Variants in EPB41L4B observed in about 807,000 individuals in gnomAD.
EPB41L4B encodes the protein erythrocyte membrane protein band 4.1 like 4B, also known as band 4.1-like protein 4B.
A neutral mutation model predicts 112.5 loss-of-function variants in EPB41L4B; 30 were observed. The ratio of observed to expected loss-of-function variants is 0.27; its 90% CI spans 0.20 to 0.36. The LOEUF is 0.36. EPB41L4B is among the 10% of genes least tolerant of loss of function. EPB41L4B has a pLI of 1.00. For missense variants in EPB41L4B, 1,024 were observed against 1,133.3 expected, an observed-to-expected ratio of 0.90 and a Z score of 1.38; for synonymous variants, 408 against 439.7, an observed-to-expected ratio of 0.93 and a Z score of 0.90.
At chr9:109,191,411 T>C (rs1832456929) in intron 22 of EPB41L4B, among the ~76,000 whole-genome samples, 1 of 152,134 alleles carries the variant, frequency 6.6e-6, no homozygotes, top group African/African-American at 2.4e-5. Flanking sequence ...AACAGGCCCA[T>C]ACCCATTTCA....
chr9:109,248,306 C>T, intron 13 of EPB41L4B, among the ~76,000 whole-genome samples: 1 of 152,206 alleles, frequency 6.6e-6, no homozygotes, highest in East Asian at 1.9e-4. Context: ...ATCTGGCCAC[C>T]ACTTTGGAAT....
At chr9:109,231,159 A>C (rs1448132187) in intron 15 of EPB41L4B, among the ~76,000 whole-genome samples, 1 of 147,670 alleles carries the variant, frequency 6.8e-6, no homozygotes, top group Non-Finnish European at 1.5e-5. Flanking sequence ...CTCCATCTCA[A>C]AAAAAAAAAA....
intron 5 of EPB41L4B, among the ~76,000 whole-genome samples, 168 bp from the exon 6 acceptor site, chr9:109,263,270 C>T (rs1243051903): frequency 6.6e-6 from 1 of 152,194 alleles, no homozygotes; most frequent in Admixed American, 6.5e-5. Flanking sequence ...ACTTGCACTA[C>T]AAATTTCCCA....
intron 16 of EPB41L4B, among the ~76,000 whole-genome samples, chr9:109,215,660 C>T (rs770346338): frequency 2.0e-5 from 3 of 152,186 alleles, no homozygotes; most frequent in Admixed American, 1.3e-4. Context: ...GCCCTCAGTA[C>T]TTTTCAAACC....
chr9:109,240,795 C>T (rs781646654), intron 15 of EPB41L4B: 189 of 985,282 alleles, frequency 1.9e-4, no homozygotes, highest in Non-Finnish European at 2.2e-4. Flanking sequence ...AAAAACCAAT[C>T]CCCCAATTCT....
intron 15 of EPB41L4B, among the ~76,000 whole-genome samples, chr9:109,234,692 C>T (rs1449214624): frequency 1.3e-5 from 2 of 152,096 alleles, no homozygotes; most frequent in African/African-American, 4.8e-5. Context: ...GGCAAGACCC[C>T]ATCTCTACAA....
intron 7 of EPB41L4B, among the ~76,000 whole-genome samples, chr9:109,257,381 T>C (rs1835022896): frequency 6.6e-6 from 1 of 151,764 alleles, no homozygotes; most frequent in African/African-American, 2.4e-5. Context: ...GCAGGGGGAA[T>C]GGAGGGAAAA....
At chr9:109,255,895 C>T (rs1834964871) in intron 9 of EPB41L4B, 52 bp from the exon 10 acceptor site, 3 of 1,491,890 alleles carry the variant, frequency 2.0e-6, no homozygotes, top group Admixed American at 1.9e-5. Flanking sequence ...AAACTATCTA[C>T]ACATCAAATA....
chr9:109,225,743 G>A (rs147600132), intron 15 of EPB41L4B, among the ~76,000 whole-genome samples: 1 of 152,288 alleles, frequency 6.6e-6, no homozygotes, highest in African/African-American at 2.4e-5. Context: ...CAACAAGGAA[G>A]ACTTCCTGGG....
At chr9:109,298,819 T>C (rs1386706045) in intron 1 of EPB41L4B, among the ~76,000 whole-genome samples, 2 of 152,174 alleles carry the variant, frequency 1.3e-5, no homozygotes, top group Non-Finnish European at 2.9e-5. Flanking sequence ...CAAATTTATC[T>C]GGAATGGTTG....
chr9:109,318,150 C>CGT (rs3983533), intron 1 of EPB41L4B, among the ~76,000 whole-genome samples: 9,952 of 149,532 alleles, frequency 0.067, 435 homozygotes, highest in African/African-American at 0.12. Context: ...GGGGCATATA[C>CGT]GTGTGTGTGT....
intron 20 of EPB41L4B, among the ~76,000 whole-genome samples, chr9:109,196,038 C>T (rs1251951328): frequency 6.6e-6 from 1 of 152,010 alleles, no homozygotes; most frequent in East Asian, 1.9e-4. Flanking sequence ...AATATATAAG[C>T]ATAGAAACTT....
chr9:109,263,831 C>T (rs1213058768), intron 5 of EPB41L4B, among the ~76,000 whole-genome samples: 1 of 152,232 alleles, frequency 6.6e-6, no homozygotes, highest in African/African-American at 2.4e-5. Context: ...GTGTTAAGGG[C>T]TCTTGCCCCA....
chr9:109,197,649 G>A (rs910897878), intron 20 of EPB41L4B, among the ~76,000 whole-genome samples: 1 of 151,876 alleles, frequency 6.6e-6, no homozygotes, highest in Non-Finnish European at 1.5e-5. Flanking sequence ...GAAAAAGAGT[G>A]TCCTTAAAAG....
chr9:109,195,701 A>G (rs1217635150), intron 20 of EPB41L4B, among the ~76,000 whole-genome samples: 1 of 152,166 alleles, frequency 6.6e-6, no homozygotes, highest in African/African-American at 2.4e-5. Context: ...ATTTCTTTTT[A>G]CCTCATTTAA....
At chr9:109,298,909 C>T (rs1481280351) in intron 1 of EPB41L4B, among the ~76,000 whole-genome samples, 1 of 152,176 alleles carries the variant, frequency 6.6e-6, no homozygotes, top group East Asian at 1.9e-4. Flanking sequence ...AAAGGTACCC[C>T]TGCAAGAGTA....
In EPB41L4B at chr9:109,320,317, C is replaced by A. The variant is rs1837820620; in HGVS notation, c.130G>T (p.Ala44Ser). ...DGGPRGGPAA[A>S]ASSSALPAAP... ...GCGGGCAGCGCCGAGGAGGAGGCGGCGGCGGCCGGGCCCCCCCGTGGCCCC... is the reference window on the plus strand; with the variant it reads ...GCGGGCAGCGCCGAGGAGGAGGCGGAGGCGGCCGGGCCCCCCCGTGGCCCC... Residue 44 changes from alanine to serine, a missense_variant, in exon 1 of 26, where the codon GCC (alanine) becomes TCC (serine). Coordinates refer to ENST00000374566, the MANE Select transcript of EPB41L4B (RefSeq NM_019114.5). The A allele has an allele frequency of 2.0e-6, 2 of 1,000,180 alleles. No homozygotes were observed. The highest frequency in any genetic ancestry group is 2.4e-6 in the Non-Finnish European group (2 of 841,158). The allele number at this position is 1,000,180 out of a possible 1,614,324, so 62.0% of individuals were successfully genotyped here.
Position 109,247,917 on chromosome 9 carries a change from A to C in EPB41L4B, c.1311-128T>G, listed in dbSNP as rs181850841. On this transcript the variant is annotated intron_variant, in intron 13 of 25. Coordinates refer to ENST00000374566, the MANE Select transcript of EPB41L4B (RefSeq NM_019114.5). ...TACATACTCTAATAGGAACTTCCAC[A>C]TAATGACTTTTTTTTGGTTATTGGC... 204 of 630,930 alleles carry C rather than the reference A, an allele frequency of 3.2e-4. 1 individual carries two copies. In the African/African-American group the frequency reaches 3.5e-3, roughly 11 times the overall value. The allele number at this position is 630,930 out of a possible 1,614,324, so 39.1% of individuals were successfully genotyped here. A position where few individuals can be genotyped will look rare whatever the true frequency, so the allele number is the denominator to read the frequency against.
At position 109,213,744 on chromosome 9, in the gene EPB41L4B, TCA is replaced by T; in HGVS notation, c.1706_1707del (p.Val569GlufsTer17). 2 of 1,614,140 alleles carry T rather than the reference TCA, an allele frequency of 1.2e-6. No homozygotes were observed. The highest frequency in any genetic ancestry group is 8.5e-7 in the Non-Finnish European group (1 of 1,180,024). The part of the protein sequence containing the change: ...AHLKKLELET[V>X]KAAGPWPPLH... ...AGAGGAGGCCAGGGTCCAGCAGCCT[TCA>T]CAGTTTCCAGTTCCAGCTTCTTTAG... is the stretch of plus-strand genomic sequence containing the variant. On this transcript the variant is annotated frameshift_variant, in exon 17 of 26. Coordinates refer to ENST00000374566, the MANE Select transcript of EPB41L4B (RefSeq NM_019114.5). LOFTEE classifies it high-confidence loss of function.
Sources: allele counts gnomAD v4.1 joint callset (sites outside exome capture counted in the v4.1 genomes callset), GRCh38; gene constraint gnomAD v4.1.1; transcripts MANE v1.5; gene names NCBI Gene and HGNC (gene_info 2026-07-23, HGNC 2026-07-21).